Variants in NFIA observed in about 807,000 individuals in gnomAD.
NFIA encodes nuclear factor 1 A-type.
Under a neutral mutation model 62.8 loss-of-function variants are expected in NFIA, and 8 were observed. The ratio of observed to expected loss-of-function variants is 0.13; its 90% confidence interval spans 0.07 to 0.23. The LOEUF (loss-of-function observed/expected upper bound fraction) is 0.23, where lower values mean the gene tolerates loss of function less well. Ranked by LOEUF, NFIA falls within the 10% of genes least tolerant of loss-of-function variation. NFIA has a pLI of 1.00. For synonymous variants in NFIA, 235 were observed against 238.1 expected, an observed-to-expected ratio of 0.99 and a Z score of 0.12; for missense variants, 410 against 642.1, an observed-to-expected ratio of 0.64 and a Z score of 3.91.
At chr1:61,382,086 A>G (rs1435413892) in intron 6 of NFIA, among the ~76,000 whole-genome samples, 1 of 152,220 alleles carries the variant, frequency 6.6e-6, no homozygotes, top group African/African-American at 2.4e-5. Context: ...TTTTAACATC[A>G]GTGCAGACCA....
chr1:61,121,768 A>G (rs1646890857), intron 2 of NFIA, among the ~76,000 whole-genome samples: 1 of 152,214 alleles, frequency 6.6e-6, no homozygotes, highest in African/African-American at 2.4e-5. Context: ...TTTTGATAAA[A>G]CAAAATGTTC....
chr1:61,084,045 G>A (rs193187600), intron 1 of NFIA, among the ~76,000 whole-genome samples: 3 of 151,982 alleles, frequency 2.0e-5, no homozygotes, highest in Admixed American at 2.0e-4. Flanking sequence ...TTTTTTTTAA[G>A]CGTGAGATTT....
At position 61,401,599 on chromosome 1, in the gene NFIA, ATCTAACAATTAC is replaced by A. The variant is rs376259975; in HGVS notation, c.1076-2504_1076-2493del. On this transcript the variant is annotated intron_variant, in intron 7 of 10. Transcript: ENST00000403491. ...TTCTGTAGGCCACCGTGATTTCATA[ATCTAACAATTAC>A]CCATCACTTTCCATTGAGCACCTGA... Among the ~76,000 whole-genome samples, 660 of 152,244 alleles carry A rather than the reference ATCTAACAATTAC, an allele frequency of 4.3e-3. 7 individuals are homozygous for A. Among genetic ancestry groups the A allele is most frequent in the African/African-American group, 0.015 (619 of 41,534 alleles).
rs12042869 is a variant in NFIA, at chr1:61,392,546, G to C, written c.1075+9181G>C. On this transcript the variant is annotated intron_variant, in intron 7 of 10. Transcript: ENST00000403491. ...GCCACCCTCATAAAGAGCCATGGCTGCTCAGCTTGGGTTTGTGTAACGTTC... is the reference window on the plus strand; with the variant it reads ...GCCACCCTCATAAAGAGCCATGGCTCCTCAGCTTGGGTTTGTGTAACGTTC... 1.9e-4 allele frequency among the ~76,000 whole-genome samples: 29 copies of C among 151,966 alleles called. No homozygotes were observed. The East Asian group carries it at 4.1e-3, about 21-fold the overall frequency.
At chr1:61,165,450 G>T (rs1044136362) in intron 2 of NFIA, among the ~76,000 whole-genome samples, 1 of 152,142 alleles carries the variant, frequency 6.6e-6, no homozygotes, top group African/African-American at 2.4e-5. Context: ...ACCAAACCAC[G>T]TATGTATTTA....
intron 2 of NFIA, among the ~76,000 whole-genome samples, chr1:61,096,544 G>GTTTTTTTTTTT (rs1570141914): frequency 8.2e-6 from 1 of 121,916 alleles, no homozygotes; most frequent in African/African-American, 3.4e-5. Context: ...GTCAAGATTA[G>GTTTTTTTTTTT]TTCTTTTTTT....
At chr1:61,258,509 A>G (rs1346538077) in intron 2 of NFIA, among the ~76,000 whole-genome samples, 1 of 152,058 alleles carries the variant, frequency 6.6e-6, no homozygotes, top group Non-Finnish European at 1.5e-5. Flanking sequence ...TAGACACACT[A>G]GTCCCAACAT....
At chr1:61,385,531 G>A (rs768955692) in intron 7 of NFIA, among the ~76,000 whole-genome samples, 5 of 152,148 alleles carry the variant, frequency 3.3e-5, no homozygotes, top group Non-Finnish European at 7.3e-5. Flanking sequence ...AACAGTATTT[G>A]TGGAGATTCC....
chr1:61,443,225 G>A (rs1441712359), intron 10 of NFIA, among the ~76,000 whole-genome samples: 2 of 152,128 alleles, frequency 1.3e-5, no homozygotes, highest in African/African-American at 4.8e-5. Context: ...TCTTCCGCCA[G>A]ACAGAGAGGA....
intron 2 of NFIA, among the ~76,000 whole-genome samples, chr1:61,127,928 T>C (rs764352729): frequency 5.9e-5 from 9 of 152,072 alleles, no homozygotes; most frequent in Non-Finnish European, 1.0e-4. Context: ...AACTTATCCA[T>C]TGTATAAAGA....
At chr1:61,218,012 A>G (rs2100612857) in intron 2 of NFIA, among the ~76,000 whole-genome samples, 1 of 152,306 alleles carries the variant, frequency 6.6e-6, no homozygotes, top group East Asian at 1.9e-4. Context: ...ATAAATGTTG[A>G]TTTCCTTCTT....
chr1:61,144,401 C>G (rs921474070), intron 2 of NFIA, among the ~76,000 whole-genome samples: 16 of 152,200 alleles, frequency 1.1e-4, no homozygotes, highest in Non-Finnish European at 4.4e-5. Context: ...GATTCATTCC[C>G]AGACTACCGT....
intron 7 of NFIA, chr1:61,386,060 G>A (rs1664669062): frequency 6.6e-6 from 1 of 152,104 alleles, no homozygotes; most frequent in African/African-American, 2.4e-5. Context: ...ACATTTTTCT[G>A]GCTAAGACAT....
chr1:61,212,360 A>G (rs942783121), intron 2 of NFIA, among the ~76,000 whole-genome samples: 1 of 152,180 alleles, frequency 6.6e-6, no homozygotes, highest in South Asian at 2.1e-4. Context: ...ATCTATAAGG[A>G]TATTTTAGAT....
At chr1:61,436,633 C>A (rs1350651595) in intron 10 of NFIA, among the ~76,000 whole-genome samples, 3 of 152,142 alleles carry the variant, frequency 2.0e-5, no homozygotes, top group Non-Finnish European at 4.4e-5. Context: ...CTCAGTGATT[C>A]TTCCTGCCAC....
chr1:61,369,478 A>G (rs1353838207), intron 6 of NFIA, among the ~76,000 whole-genome samples: 1 of 152,164 alleles, frequency 6.6e-6, no homozygotes, highest in Non-Finnish European at 1.5e-5. Flanking sequence ...CTAAGAGTAT[A>G]CCATGTTTTC....
At chr1:61,340,096 TGGCAGAA>T (rs1661818416) in intron 4 of NFIA, among the ~76,000 whole-genome samples, 9 of 152,312 alleles carry the variant, frequency 5.9e-5, no homozygotes, top group Admixed American at 4.6e-4. Flanking sequence ...AGAGTTCTCA[TGGCAGAA>T]TTTGGGGCCG....
At chr1:61,437,587 T>C (rs1667386136) in intron 10 of NFIA, among the ~76,000 whole-genome samples, 2 of 152,244 alleles carry the variant, frequency 1.3e-5, no homozygotes, top group Admixed American at 1.3e-4. Context: ...CATTATTCAA[T>C]CCCTGCCGTA....
intron 2 of NFIA, among the ~76,000 whole-genome samples, chr1:61,166,347 T>C (rs1411267069): frequency 1.3e-5 from 2 of 152,146 alleles, no homozygotes; most frequent in Non-Finnish European, 2.9e-5. Context: ...CCACACCAAA[T>C]GACTTGCCTG....
Sources: gnomAD v4.1 joint callset for allele counts (sites outside exome capture counted in the v4.1 genomes callset) on GRCh38, gnomAD v4.1.1 for gene constraint, MANE v1.5 for transcripts, NCBI Gene and HGNC (gene_info 2026-07-23, HGNC 2026-07-21) for gene names.